OR7E24: variants seen among roughly 807,000 people sequenced by gnomAD.
OR7E24 encodes the protein olfactory receptor family 7 subfamily E member 24.
For synonymous variants in OR7E24, 130 were observed against 157.5 expected (o/e 0.83, Z 1.31); for missense variants, 385 against 410.3 (o/e 0.94, Z 0.53).
the OR7E24 span, among the ~76,000 whole-genome samples, chr19:9,218,053 G>A: frequency 4.6e-5 from 7 of 152,090 alleles, no homozygotes; most frequent in Admixed American, 4.6e-4. Context: ...TTTCACATTG[G>A]TCAACTTATA....
At chr19:9,225,019 C>T in the OR7E24 span, among the ~76,000 whole-genome samples, 584 of 152,230 alleles carry the variant, frequency 3.8e-3, 3 homozygotes, top group Non-Finnish European at 6.2e-3. Context: ...ACTTGGAATG[C>T]TTAGGGATGA....
chr19:9,238,717 C>T, the OR7E24 span, among the ~76,000 whole-genome samples: 5 of 152,132 alleles, frequency 3.3e-5, no homozygotes, highest in South Asian at 6.2e-4. Context: ...CCTCAATTTA[C>T]TCTGTTTTTA....
chr19:9,214,666 G>A, the OR7E24 span: 2 of 1,614,022 alleles, frequency 1.2e-6, no homozygotes, highest in Non-Finnish European at 1.7e-6. Flanking sequence ...AAGTACATGG[G>A]GGTGTGGAGG....
At chr19:9,232,260 C>G in the OR7E24 span, among the ~76,000 whole-genome samples, 2 of 152,024 alleles carry the variant, frequency 1.3e-5, no homozygotes, top group Non-Finnish European at 2.9e-5. Flanking sequence ...GGCTATATGG[C>G]CGGGCTCGGT....
chr19:9,240,489 C>T, the OR7E24 span, among the ~76,000 whole-genome samples: 2 of 152,156 alleles, frequency 1.3e-5, no homozygotes, highest in Non-Finnish European at 2.9e-5. Context: ...ACTGTCCTTT[C>T]CCCACTGTGT....
At chr19:9,236,185 T>G in the OR7E24 span, 13 of 674,492 alleles carry the variant, frequency 1.9e-5, no homozygotes, top group Admixed American at 2.3e-4. Flanking sequence ...TGTTGCAGTT[T>G]CCTATTTTCA....
the OR7E24 span, chr19:9,214,625 G>C: frequency 2.5e-6 from 4 of 1,614,174 alleles, no homozygotes; most frequent in Non-Finnish European, 3.4e-6. Flanking sequence ...AGATGAAACA[G>C]ATGTCAACAA....
At chr19:9,229,782 C>CA in the OR7E24 span, among the ~76,000 whole-genome samples, 2 of 152,146 alleles carry the variant, frequency 1.3e-5, no homozygotes, top group African/African-American at 2.4e-5. Context: ...TCTGAGAGTT[C>CA]AACCCTTGAG....
At chr19:9,215,361 A>C in the OR7E24 span, among the ~76,000 whole-genome samples, 42,465 of 147,478 alleles carry the variant, frequency 0.29, 11,901 homozygotes, top group African/African-American at 0.74. Context: ...AAAAAAAAAA[A>C]AAAACCTCTT....
the OR7E24 span, chr19:9,235,696 C>G: frequency 6.2e-7 from 1 of 1,603,548 alleles, no homozygotes; most frequent in Non-Finnish European, 8.5e-7. Flanking sequence ...GGCTCAGGTC[C>G]TCAAGGTGGC....
chr19:9,210,160 CCT>C, the OR7E24 span: 2 of 152,174 alleles, frequency 1.3e-5, no homozygotes, highest in Admixed American at 6.6e-5. Flanking sequence ...CTCATATTTA[CCT>C]CAGTATTTAT....
chr19:9,237,486 A>ATTT, the OR7E24 span, among the ~76,000 whole-genome samples: 17 of 145,108 alleles, frequency 1.2e-4, no homozygotes, highest in African/African-American at 4.3e-4. Flanking sequence ...AATTTTTTGT[A>ATTT]TTTTTTTTTT....
the OR7E24 span, chr19:9,235,002 C>T: frequency 1.2e-5 from 6 of 504,574 alleles, no homozygotes; most frequent in African/African-American, 1.9e-5. Flanking sequence ...AAACTCCGCA[C>T]GTTTCAAATG....
Position 9,251,758 on chromosome 19 carries a change from A to G in OR7E24, c.715A>G (p.Ile239Val), listed in dbSNP as rs1162737891. ...ISGILFSYYKIVSPILRVPTS... is the reference protein window; with the variant it reads ...ISGILFSYYKVVSPILRVPTS... ...AGGGATCCTTTTCTCTTACTATAAAATTGTTTCCCCCATTCTGAGAGTTCC... is the reference window on the plus strand; with the variant it reads ...AGGGATCCTTTTCTCTTACTATAAAGTTGTTTCCCCCATTCTGAGAGTTCC... The change falls in exon 1 of 1, where the codon ATT becomes GTT. Residue 239 changes from isoleucine to valine, a missense_variant. Physicochemically the swap from Ile to Val is conservative, Grantham distance 29. Coordinates refer to ENST00000456448, the MANE Select transcript of OR7E24 (RefSeq NM_001079935.2). 1.9e-6 allele frequency: 3 copies of G among 1,611,514 alleles called. No individual in the cohort carries two copies. The highest frequency in any genetic ancestry group is 2.5e-6 in the Non-Finnish European group (3 of 1,178,784).
At chr19:9,222,789 T>C in the OR7E24 span, among the ~76,000 whole-genome samples, 3 of 152,158 alleles carry the variant, frequency 2.0e-5, no homozygotes, top group African/African-American at 7.2e-5. Context: ...ATGTCTTTTA[T>C]TTTTTTTCTC....
the OR7E24 span, chr19:9,212,152 G>A: frequency 5.9e-5 from 9 of 152,164 alleles, no homozygotes; most frequent in Non-Finnish European, 1.2e-4. Flanking sequence ...CCACATCGTG[G>A]AGAATGAGGT....
chr19:9,227,122 AC>A, the OR7E24 span, among the ~76,000 whole-genome samples: 7 of 151,682 alleles, frequency 4.6e-5, no homozygotes, highest in Admixed American at 2.0e-4. Context: ...TTTAGCTTTC[AC>A]CTATAAGTGA....
At position 9,251,319 on chromosome 19, in the gene OR7E24, C is replaced by T. The variant is rs374455273; in HGVS notation, c.276C>T (p.Thr92=). The T allele has an allele frequency of 6.2e-6, 10 of 1,614,022 alleles. No individual in the cohort carries two copies. The Admixed American group carries it at 1.7e-4, about 27-fold the overall frequency. The change falls in exon 1 of 1, where the codon ACC becomes ACT. Residue 92 remains threonine, a synonymous_variant. Coordinates refer to ENST00000456448, the MANE Select transcript of OR7E24 (RefSeq NM_001079935.2). The part of the protein sequence containing the change: ...SNLSLADIGF[T]STTVPKMIVD... The stretch of plus-strand genomic sequence containing the variant: ...TGTCCTTGGCTGACATCGGTTTCAC[C>T]TCCACCACGGTCCCCAAGATGATTG...
upstream of OR7E24, among the ~76,000 whole-genome samples, chr19:9,244,842 C>T (rs1481261484): frequency 1.3e-5 from 2 of 152,088 alleles, no homozygotes; most frequent in African/African-American, 2.4e-5. Context: ...TATATATATG[C>T]TTAGAGGCTA....
Sources: allele counts gnomAD v4.1 joint callset (sites outside exome capture counted in the v4.1 genomes callset), GRCh38; gene constraint gnomAD v4.1.1; transcripts MANE v1.5; gene names NCBI Gene and HGNC (gene_info 2026-07-23, HGNC 2026-07-21).